The following DPYD variants were observed in gnomAD, a reference collection of about 807,000 sequenced individuals.
DPYD encodes the protein dihydropyrimidine dehydrogenase [NADP(+)].
A neutral mutation model predicts 116.2 loss-of-function variants in DPYD; 109 were observed. The ratio of observed to expected loss-of-function variants is 0.94; its 90% CI spans 0.80 to 1.10. DPYD has a LOEUF of 1.10. DPYD is among the 50% of genes least tolerant of loss of function. The probability of loss-of-function intolerance (pLI) is 0.00; values close to 1 mark genes in which losing one functional copy is unlikely to be tolerated. For synonymous variants in DPYD, 440 were observed against 432.0 expected (o/e 1.02, Z -0.23); for missense variants, 1,302 against 1,254.5 (o/e 1.04, Z -0.57).
intron 18 of DPYD, among the ~76,000 whole-genome samples, chr1:97,280,993 A>T (rs187122251): frequency 9.4e-4 from 143 of 152,296 alleles, no homozygotes; most frequent in African/African-American, 3.4e-3. Flanking sequence ...ATCACTACAC[A>T]CCCCATAAAA....
At chr1:97,133,998 C>CAAAAA (rs1208967697) in intron 20 of DPYD, among the ~76,000 whole-genome samples, 6 of 17,220 alleles carry the variant, frequency 3.5e-4, no homozygotes, top group African/African-American at 1.6e-3. Flanking sequence ...GACTCTGTTT[C>CAAAAA]AAAAAAAAAA....
Position 97,535,020 on chromosome 1 carries a change from G to C in DPYD, c.1524+14540C>G, listed in dbSNP as rs889756104. Among the ~76,000 whole-genome samples the C allele has an allele frequency of 2.0e-5, 3 of 152,046 alleles. No homozygotes were observed. The East Asian group carries it at 5.8e-4, about 29-fold the overall frequency. On this transcript the variant is annotated intron_variant, in intron 12 of 22. Transcript: ENST00000370192. Reference sequence around the variant, plus strand: ...CTTGAGCTGGGAATTCTACCTCTATGATGACAAAGTTCTGTCTCAGAGACA... The same window carrying C: ...CTTGAGCTGGGAATTCTACCTCTATCATGACAAAGTTCTGTCTCAGAGACA...
At chr1:97,340,696 AAC>A (rs1375417972) in intron 16 of DPYD, among the ~76,000 whole-genome samples, 1 of 152,092 alleles carries the variant, frequency 6.6e-6, no homozygotes, top group Non-Finnish European at 1.5e-5. Flanking sequence ...AGAAAATAAA[AAC>A]ACAACAATGG....
At chr1:97,121,898 A>G (rs1468671541) in intron 20 of DPYD, among the ~76,000 whole-genome samples, 1 of 152,202 alleles carries the variant, frequency 6.6e-6, no homozygotes, top group Non-Finnish European at 1.5e-5. Flanking sequence ...TGGCACTGTA[A>G]GACAGACAAC....
intron 3 of DPYD, among the ~76,000 whole-genome samples, chr1:97,803,780 T>G (rs545877951): frequency 3.6e-4 from 55 of 152,034 alleles, no homozygotes; most frequent in African/African-American, 1.3e-3. Flanking sequence ...GGGTTATATT[T>G]CATTATGCTT....
intron 10 of DPYD, among the ~76,000 whole-genome samples, chr1:97,584,969 A>ATAC (rs879640385): frequency 6.7e-6 from 1 of 150,058 alleles, no homozygotes; most frequent in Admixed American, 6.7e-5. Context: ...AATAATAATA[A>ATAC]AGAAATAAAA....
At chr1:97,223,943 C>T (rs1259803626) in intron 19 of DPYD, among the ~76,000 whole-genome samples, 1 of 151,736 alleles carries the variant, frequency 6.6e-6, no homozygotes, top group African/African-American at 2.4e-5. Flanking sequence ...CAGAGTAGCC[C>T]TCAAAAAGAT....
chr1:97,465,179 T>C (rs917853434), intron 13 of DPYD, among the ~76,000 whole-genome samples: 1 of 152,210 alleles, frequency 6.6e-6, no homozygotes, highest in Non-Finnish European at 1.5e-5. Flanking sequence ...GTCAATTTCT[T>C]CCATTTGGAA....
At chr1:97,593,875 G>A (rs1654701187) in intron 9 of DPYD, among the ~76,000 whole-genome samples, 1 of 152,070 alleles carries the variant, frequency 6.6e-6, no homozygotes, top group South Asian at 2.1e-4. Flanking sequence ...TTAACGTGCT[G>A]AATAAGTGTC....
chr1:97,137,165 G>A (rs1002602571), intron 20 of DPYD, among the ~76,000 whole-genome samples: 59 of 152,140 alleles, frequency 3.9e-4, no homozygotes, highest in African/African-American at 1.2e-3. Flanking sequence ...CAGGCCTTCC[G>A]GGAATGCTAA....
chr1:97,838,860 A>T (rs924187727), intron 2 of DPYD, among the ~76,000 whole-genome samples: 65 of 151,092 alleles, frequency 4.3e-4, no homozygotes, highest in African/African-American at 1.4e-3. Flanking sequence ...TCAAAAAAAA[A>T]AATAAATAAA....
chr1:97,874,078 C>T (rs1671786966), intron 2 of DPYD, among the ~76,000 whole-genome samples: 2 of 151,960 alleles, frequency 1.3e-5, no homozygotes, highest in South Asian at 4.2e-4. Flanking sequence ...TTATAAACAG[C>T]CTGGTTCACT....
intron 8 of DPYD, among the ~76,000 whole-genome samples, chr1:97,625,829 C>A (rs981335386): frequency 7.9e-5 from 12 of 151,914 alleles, no homozygotes; most frequent in Non-Finnish European, 1.8e-4. Flanking sequence ...TTTGTTATGG[C>A]AGCCCTGGCA....
At chr1:97,428,967 A>G (rs1004413852) in intron 14 of DPYD, among the ~76,000 whole-genome samples, 5 of 152,098 alleles carry the variant, frequency 3.3e-5, no homozygotes, top group Non-Finnish European at 7.4e-5. Context: ...AAAAAGTTTT[A>G]TAAGGATTCA....
At chr1:97,893,217 G>A (rs1672863364) in intron 1 of DPYD, among the ~76,000 whole-genome samples, 1 of 151,120 alleles carries the variant, frequency 6.6e-6, no homozygotes, top group African/African-American at 2.4e-5. Context: ...CAACAGGTGA[G>A]AAAATATCTA....
chr1:97,090,897 G>T (rs746609009), intron 21 of DPYD, among the ~76,000 whole-genome samples: 2 of 152,104 alleles, frequency 1.3e-5, no homozygotes, highest in Non-Finnish European at 2.9e-5. Flanking sequence ...TTAGCACACT[G>T]CTGGTCACAC....
intron 3 of DPYD, among the ~76,000 whole-genome samples, chr1:97,783,942 C>A (rs1000915259): frequency 5.3e-5 from 8 of 152,182 alleles, no homozygotes; most frequent in African/African-American, 1.9e-4. Flanking sequence ...GATGCTACCT[C>A]AGCAGAGGCA....
intron 5 of DPYD, among the ~76,000 whole-genome samples, chr1:97,711,881 C>A (rs1386699619): frequency 2.0e-5 from 3 of 151,862 alleles, no homozygotes; most frequent in Admixed American, 1.3e-4. Flanking sequence ...ATATTCACAA[C>A]CATATTTTTA....
intron 12 of DPYD, among the ~76,000 whole-genome samples, chr1:97,525,669 T>C (rs1167453324): frequency 6.6e-6 from 1 of 151,838 alleles, no homozygotes; most frequent in Non-Finnish European, 1.5e-5. Context: ...TAACATAGAG[T>C]GGCATTGAAG....
Sources: gnomAD v4.1 joint callset for allele counts (sites outside exome capture counted in the v4.1 genomes callset) on GRCh38, gnomAD v4.1.1 for gene constraint, MANE v1.5 for transcripts, NCBI Gene and HGNC (gene_info 2026-07-23, HGNC 2026-07-21) for gene names.